The following ZC3H14 variants were observed in gnomAD, a reference collection of about 807,000 sequenced individuals.
ZC3H14 encodes zinc finger CCCH domain-containing protein 14.
Under a neutral mutation model 92.4 loss-of-function variants are expected in ZC3H14, and 31 were observed. The observed-to-expected ratio is 0.34, with a 90% CI of 0.25 to 0.45. ZC3H14 has a LOEUF of 0.45. ZC3H14 is among the 20% of genes least tolerant of loss of function. ZC3H14 has a pLI of 1.00. For missense variants in ZC3H14, 781 were observed against 897.3 expected (o/e 0.87, Z 1.66); for synonymous variants, 321 against 300.9 (o/e 1.07, Z -0.69).
In ZC3H14 at chr14:88,616,897, A is replaced by G. The variant is rs768165179; in HGVS notation, c.*5146A>G. On this transcript the variant is annotated 3_prime_UTR_variant, in exon 17 of 17. Transcript: ENST00000251038. The stretch of plus-strand genomic sequence containing the variant: ...CTAGAATACTAGAGGGAAGGAACAA[A>G]AGAAAACTCATCATGGCAAGTGCGG... 2 of 1,610,556 alleles carry G rather than the reference A, an allele frequency of 1.2e-6. No individual in the cohort carries two copies. The highest frequency in any genetic ancestry group is 4.5e-5 in the East Asian group (2 of 44,818).
At chr14:88,594,862 A>G (rs945830671) in intron 9 of ZC3H14, 1 of 1,614,102 alleles carries the variant, frequency 6.2e-7, no homozygotes, top group Non-Finnish European at 8.5e-7. Context: ...TTTAAGGAAA[A>G]TATCAGCTGA....
intron 15 of ZC3H14, 135 bp downstream of exon 15, chr14:88,609,938 C>A: frequency 1.1e-6 from 1 of 950,694 alleles, no homozygotes; most frequent in Non-Finnish European, 1.6e-6. Context: ...TAAGTTGTTC[C>A]TCGTCACTGA....
intron 9 of ZC3H14, chr14:88,586,822 A>G (rs2082526837): frequency 6.6e-6 from 1 of 152,232 alleles, no homozygotes; most frequent in South Asian, 2.1e-4. Flanking sequence ...TAGTATAAAA[A>G]AGATTAAAAA....
Position 88,572,761 on chromosome 14 carries a change from T to C in ZC3H14, c.615T>C (p.Tyr205=), listed in dbSNP as rs772122442. The change falls in exon 6 of 17, where the codon TAT becomes TAC. Residue 205 remains tyrosine (Y), a synonymous_variant. Coordinates refer to ENST00000251038, the MANE Select transcript of ZC3H14 (RefSeq NM_024824.5). ...AAAAACCTACAGTGACACTTACATA[T>C]GGTTCTTCTCGCCCTTCTATTGAAA... ...SQKKPTVTLT[Y]GSSRPSIEIY... The C allele has an allele frequency of 2.5e-6, 4 of 1,614,198 alleles. No homozygotes were observed. In the Admixed American group the frequency reaches 6.7e-5, roughly 27 times the overall value.
At chr14:88,571,697 C>A (rs1252297634) in intron 4 of ZC3H14, among the ~76,000 whole-genome samples, 1 of 152,204 alleles carries the variant, frequency 6.6e-6, no homozygotes, top group Non-Finnish European at 1.5e-5. Context: ...CACGGTGGCT[C>A]ACGCCTGTAA....
At chr14:88,570,222 GC>G (rs1227975093) in intron 3 of ZC3H14, among the ~76,000 whole-genome samples, 10 of 152,226 alleles carry the variant, frequency 6.6e-5, no homozygotes, top group Non-Finnish European at 1.2e-4. Flanking sequence ...ATTAACACCA[GC>G]CCCAAACAGA....
chr14:88,608,972 C>T, intron 13 of ZC3H14: 2 of 391,200 alleles, frequency 5.1e-6, no homozygotes, highest in South Asian at 4.9e-5. Context: ...AATGAGTTCA[C>T]TGCATAAAAT....
Position 88,620,604 on chromosome 14 carries a change from A to T in ZC3H14, c.*8853A>T. The T allele has an allele frequency of 1.6e-6, 1 of 625,396 alleles. No homozygotes were observed. Among genetic ancestry groups the T allele is most frequent in the Non-Finnish European group, 2.5e-6 (1 of 399,910 alleles). 38.7% of individuals were successfully genotyped at this position (625,396 alleles called of 1,614,324 possible). A position where few individuals can be genotyped will look rare whatever the true frequency, so the allele number is the denominator to read the frequency against. On this transcript the variant is annotated 3_prime_UTR_variant, in exon 17 of 17. Transcript: ENST00000251038. This position sits in a 1 kb window ranked among gnomAD's most constrained non-coding sequence, Gnocchi z 4.3. ...TTTAGCAAGAAGAATTAAGTAGTAT[A>T]CAAACAGCCATATTTTAGCATACAA...
intron 1 of ZC3H14, 170 bp from the exon 2 acceptor site, chr14:88,563,475 GGCTGGA>G: frequency 6.7e-7 from 1 of 1,483,704 alleles, no homozygotes. Context: ...GCGGGGCTGG[GGCTGGA>G]GCTGGAGTGG....
At chr14:88,597,421 A>C (rs968778013) in intron 10 of ZC3H14, among the ~76,000 whole-genome samples, 1 of 152,198 alleles carries the variant, frequency 6.6e-6, no homozygotes, top group Non-Finnish European at 1.5e-5. Context: ...ACAGGCAACC[A>C]TGAGAGACCC....
intron 2 of ZC3H14, among the ~76,000 whole-genome samples, chr14:88,565,359 T>G (rs563079700): frequency 6.6e-6 from 1 of 152,220 alleles, no homozygotes; most frequent in Non-Finnish European, 1.5e-5. Context: ...GCCAGGCTGG[T>G]CTCAAACTCC....
At position 88,615,616 on chromosome 14, in the gene ZC3H14, C is replaced by A; in HGVS notation, c.*3865C>A. ...CCTTCCTTGAAATGGCATTATCTGG[C>A]AGTGTATGGATTACGGATTATACCC... is the stretch of plus-strand genomic sequence containing the variant. On this transcript the variant is annotated 3_prime_UTR_variant, in exon 17 of 17. Transcript: ENST00000251038. 1 of 517,790 alleles carries A rather than the reference C, an allele frequency of 1.9e-6. No individual in the cohort carries two copies. The highest frequency in any genetic ancestry group is 3.4e-6 in the Non-Finnish European group (1 of 295,838). 32.1% of individuals were successfully genotyped at this position (517,790 alleles called of 1,614,324 possible).
intron 10 of ZC3H14, among the ~76,000 whole-genome samples, chr14:88,599,521 T>C (rs1331105945): frequency 6.6e-6 from 1 of 152,182 alleles, no homozygotes; most frequent in East Asian, 1.9e-4. Flanking sequence ...AACGTTCCGC[T>C]TGCAGAGAGG....
intron 9 of ZC3H14, among the ~76,000 whole-genome samples, chr14:88,588,945 C>T (rs1485434953): frequency 6.6e-6 from 1 of 152,018 alleles, no homozygotes; most frequent in Non-Finnish European, 1.5e-5. Flanking sequence ...TAGTATCTTA[C>T]TTTGTGGATA....
rs2087456810 is a variant in ZC3H14, at chr14:88,615,498, A to C, written c.*3747A>C. ...ATTGGGTTTTTGAGTTCTTCTGTAAAGAGTGCTCTACCCTAAATTTTCCCA... is the reference window on the plus strand; with the variant it reads ...ATTGGGTTTTTGAGTTCTTCTGTAACGAGTGCTCTACCCTAAATTTTCCCA... On this transcript the variant is annotated 3_prime_UTR_variant, in exon 17 of 17. Transcript: ENST00000251038. The C allele has an allele frequency of 3.6e-6, 1 of 276,292 alleles. No homozygotes were observed. The highest frequency in any genetic ancestry group is 6.7e-6 in the Non-Finnish European group (1 of 148,578). 17.1% of individuals were successfully genotyped at this position (276,292 alleles called of 1,614,324 possible).
intron 9 of ZC3H14, chr14:88,595,247 A>AT (rs1353679915): frequency 4.1e-6 from 6 of 1,463,866 alleles, no homozygotes; most frequent in Non-Finnish European, 5.4e-6. Context: ...TTAATGACAA[A>AT]TTTGGATTCT....
chr14:88,584,323 A>G (rs2082242574), intron 9 of ZC3H14, among the ~76,000 whole-genome samples: 1 of 152,196 alleles, frequency 6.6e-6, no homozygotes, highest in African/African-American at 2.4e-5. Flanking sequence ...TTGTAGATAA[A>G]CTATATAGCC....
intron 9 of ZC3H14, chr14:88,592,552 G>A (rs925301793): frequency 2.4e-5 from 3 of 123,472 alleles, no homozygotes; most frequent in Non-Finnish European, 4.7e-5. Context: ...CCAGGCTGCA[G>A]TGCAGTGGCG....
intron 2 of ZC3H14, 153 bp from the exon 3 acceptor site, chr14:88,567,886 A>C (rs1216017460): frequency 1.4e-6 from 1 of 700,868 alleles, no homozygotes; most frequent in South Asian, 1.5e-5. Flanking sequence ...AATGAAGAGA[A>C]AAAAATTAAA....
Sources: allele counts gnomAD v4.1 joint callset (sites outside exome capture counted in the v4.1 genomes callset), GRCh38; gene constraint gnomAD v4.1.1; non-coding constraint Gnocchi (gnomAD v3.1); transcripts MANE v1.5; gene names NCBI Gene and HGNC (gene_info 2026-07-23, HGNC 2026-07-21).